SMAD1: variants seen among roughly 807,000 people sequenced by gnomAD.
SMAD1 encodes SMAD family member 1.
SMAD1 carries 6 observed loss-of-function variants against 41.6 expected under a neutral mutation model. The ratio of observed to expected loss-of-function variants is 0.14; its 90% confidence interval spans 0.08 to 0.28. The LOEUF (loss-of-function observed/expected upper bound fraction) is 0.28, where lower values mean the gene tolerates loss of function less well. Among genes scored for constraint, SMAD1 ranks in the 10% least tolerant of loss-of-function variants. The probability of loss-of-function intolerance (pLI) is 1.00; values close to 1 mark genes in which losing one functional copy is unlikely to be tolerated. For missense variants in SMAD1, 379 were observed against 582.6 expected, an observed-to-expected ratio of 0.65 and a Z score of 3.60; for synonymous variants, 206 against 203.2, an observed-to-expected ratio of 1.01 and a Z score of -0.12.
chr4:145,495,182 A>G (rs1317420815), intron 1 of SMAD1, among the ~76,000 whole-genome samples: 1 of 152,178 alleles, frequency 6.6e-6, no homozygotes, highest in Non-Finnish European at 1.5e-5. Context: ...GATGCAGCCA[A>G]ACATCCTGTA....
chr4:145,513,792 A>G (rs926316967), intron 1 of SMAD1, among the ~76,000 whole-genome samples: 1 of 152,214 alleles, frequency 6.6e-6, no homozygotes, highest in Non-Finnish European at 1.5e-5. Flanking sequence ...CTAAAATATT[A>G]CAATATCTTT....
At chr4:145,483,500 A>G (rs17020200) in intron 1 of SMAD1, among the ~76,000 whole-genome samples, 2,707 of 152,308 alleles carry the variant, frequency 0.018, 83 homozygotes, top group African/African-American at 0.061. Flanking sequence ...AAAGAATCGG[A>G]ACAGAAGTGT....
intron 2 of SMAD1, among the ~76,000 whole-genome samples, chr4:145,515,908 T>G (rs1355773573): frequency 6.6e-6 from 1 of 152,188 alleles, no homozygotes; most frequent in Non-Finnish European, 1.5e-5. Flanking sequence ...TAACAAGTAC[T>G]TCAGGTGTTA....
At chr4:145,492,570 T>G (rs1728828116) in intron 1 of SMAD1, among the ~76,000 whole-genome samples, 2 of 152,226 alleles carry the variant, frequency 1.3e-5, no homozygotes, top group Admixed American at 6.5e-5. Context: ...TCTCTGAACC[T>G]TGTCCTCTTG....
At chr4:145,491,323 C>G (rs1728756022) in intron 1 of SMAD1, among the ~76,000 whole-genome samples, 1 of 152,184 alleles carries the variant, frequency 6.6e-6, no homozygotes, top group South Asian at 2.1e-4. Context: ...CCCAGCTACT[C>G]TGGAGGCTGA....
intron 1 of SMAD1, among the ~76,000 whole-genome samples, chr4:145,491,712 A>G (rs1460498009): frequency 6.6e-6 from 1 of 152,182 alleles, no homozygotes; most frequent in Non-Finnish European, 1.5e-5. Context: ...CCTCCATAAC[A>G]TGGTTTTCGT....
chr4:145,531,486 C>T (rs1731314860), intron 2 of SMAD1, among the ~76,000 whole-genome samples: 1 of 152,058 alleles, frequency 6.6e-6, no homozygotes, highest in Non-Finnish European at 1.5e-5. Flanking sequence ...TTGTAGGTGG[C>T]CTCACTGAAA....
At chr4:145,527,775 G>T (rs1055508206) in intron 2 of SMAD1, among the ~76,000 whole-genome samples, 9 of 152,010 alleles carry the variant, frequency 5.9e-5, no homozygotes, top group Non-Finnish European at 1.2e-4. Flanking sequence ...GATCATATGT[G>T]CACCAGCTGC....
At chr4:145,500,546 A>G (rs984143021) in intron 1 of SMAD1, among the ~76,000 whole-genome samples, 1 of 152,058 alleles carries the variant, frequency 6.6e-6, no homozygotes, top group Non-Finnish European at 1.5e-5. Context: ...CAGATACCAC[A>G]TTCACGACGA....
chr4:145,552,209 A>G (rs1578831678), intron 5 of SMAD1, among the ~76,000 whole-genome samples: 1 of 152,216 alleles, frequency 6.6e-6, no homozygotes. Flanking sequence ...TTAGTAGCAC[A>G]CACACTCTTA....
intron 5 of SMAD1, among the ~76,000 whole-genome samples, chr4:145,549,214 T>C (rs951338153): frequency 6.6e-6 from 1 of 152,212 alleles, no homozygotes; most frequent in Non-Finnish European, 1.5e-5. Flanking sequence ...AGAAAAAATA[T>C]TAATACTGTA....
At chr4:145,494,199 A>T (rs7677160) in intron 1 of SMAD1, among the ~76,000 whole-genome samples, 17,486 of 152,096 alleles carry the variant, frequency 0.11, 3,103 homozygotes, top group African/African-American at 0.38. Flanking sequence ...TGACCTTGGG[A>T]CCCACCTGCC....
intron 6 of SMAD1, 43 bp downstream of exon 6, chr4:145,554,083 T>G (rs761872386): frequency 6.5e-7 from 1 of 1,530,426 alleles, no homozygotes; most frequent in Non-Finnish European, 8.7e-7. Flanking sequence ...TAACATACTT[T>G]TGCTGTGCTT....
Position 145,499,672 on chromosome 4 carries a change from ATT to A in SMAD1, c.-176-14763_-176-14762del, listed in dbSNP as rs957654314. ...TAAGGTGTAGATGAAACATACATTA[ATT>A]TTATGTTTAGACTTGGGTCCCATCC... On this transcript the variant is annotated intron_variant, in intron 1 of 6. Coordinates refer to ENST00000302085, the MANE Select transcript of SMAD1 (RefSeq NM_005900.3). 2.2e-4 allele frequency among the ~76,000 whole-genome samples: 33 copies of A among 152,078 alleles called. No individual in the cohort carries two copies. The East Asian group carries it at 2.9e-3, about 13-fold the overall frequency.
intron 6 of SMAD1, among the ~76,000 whole-genome samples, chr4:145,555,094 T>C (rs1227899810): frequency 1.3e-5 from 2 of 152,186 alleles, no homozygotes; most frequent in Non-Finnish European, 2.9e-5. Context: ...TGTTTGTTTG[T>C]TTGCTTGTTT....
chr4:145,549,036 C>G (rs1181154068), intron 5 of SMAD1, among the ~76,000 whole-genome samples: 1 of 151,756 alleles, frequency 6.6e-6, no homozygotes, highest in Non-Finnish European at 1.5e-5. Context: ...CAGACAGACT[C>G]AAAGCAAGAA....
intron 6 of SMAD1, among the ~76,000 whole-genome samples, chr4:145,554,990 A>T (rs1045097154): frequency 6.6e-6 from 1 of 152,182 alleles, no homozygotes; most frequent in Non-Finnish European, 1.5e-5. Flanking sequence ...CCCTTAGATC[A>T]AAGATATCTT....
intron 1 of SMAD1, among the ~76,000 whole-genome samples, chr4:145,487,884 C>T (rs1179872356): frequency 6.6e-6 from 1 of 151,970 alleles, no homozygotes; most frequent in Non-Finnish European, 1.5e-5. Flanking sequence ...AAAGAAAAGC[C>T]AAAAGTTTCA....
intron 6 of SMAD1, among the ~76,000 whole-genome samples, chr4:145,554,410 C>T (rs1732726546): frequency 6.6e-6 from 1 of 151,590 alleles, no homozygotes; most frequent in African/African-American, 2.4e-5. Flanking sequence ...CCTTTTCATT[C>T]TTTGTTTTTT....
Sources: allele counts gnomAD v4.1 joint callset (sites outside exome capture counted in the v4.1 genomes callset), GRCh38; gene constraint gnomAD v4.1.1; transcripts MANE v1.5; gene names NCBI Gene and HGNC (gene_info 2026-07-23, HGNC 2026-07-21).